The following OSBP2 variants were observed in gnomAD, a reference collection of about 807,000 sequenced individuals.
OSBP2 encodes the protein oxysterol-binding protein 2.
OSBP2 carries 66 observed loss-of-function variants against 96.0 expected under a neutral mutation model. The observed-to-expected ratio is 0.69, with a 90% CI of 0.56 to 0.84. The LOEUF (loss-of-function observed/expected upper bound fraction) is 0.84, where lower values mean the gene tolerates loss of function less well. Among genes scored for constraint, OSBP2 ranks in the 40% least tolerant of loss-of-function variants. The pLI, the probability that OSBP2 is intolerant of heterozygous loss-of-function variation, is 0.00. For missense variants in OSBP2, 1,038 were observed against 1,222.7 expected, an observed-to-expected ratio of 0.85 and a Z score of 2.25; for synonymous variants, 525 against 520.9, an observed-to-expected ratio of 1.01 and a Z score of -0.11.
At position 30,870,869 on chromosome 22, in the gene OSBP2, G is replaced by T. The variant is rs1002500245; in HGVS notation, c.1107+187G>T. 6.6e-6 allele frequency among the ~76,000 whole-genome samples: 1 copy of T among 152,204 alleles called. No individual in the cohort carries two copies. The highest frequency in any genetic ancestry group is 2.4e-5 in the African/African-American group (1 of 41,448). On this transcript the variant is annotated intron_variant, in intron 3 of 13. Coordinates refer to ENST00000332585, the MANE Select transcript of OSBP2 (RefSeq NM_030758.4). This position sits in a 1 kb window ranked among gnomAD's most constrained non-coding sequence, Gnocchi z 4.1. The stretch of plus-strand genomic sequence containing the variant: ...AAATCATCTCCTTCACTCGGCCGTC[G>T]TTGGGCAAGGACATTCTTCCTAATT...
chr22:30,817,119 A>G (rs530062698), intron 2 of OSBP2, among the ~76,000 whole-genome samples: 1 of 152,202 alleles, frequency 6.6e-6, no homozygotes, highest in African/African-American at 2.4e-5. Flanking sequence ...CCAGCAACAC[A>G]TTATCACAAA....
intron 5 of OSBP2, 96 bp downstream of exon 5, chr22:30,888,436 C>A: frequency 6.1e-6 from 5 of 815,018 alleles, no homozygotes; most frequent in Non-Finnish European, 8.4e-6. Flanking sequence ...TTGGGGTTTT[C>A]TTTCCTTTAA....
rs2089763299 is a variant in OSBP2 at position 30,730,808 on chromosome 22, AATTT to A, written c.645-10352_645-10349del. Among the ~76,000 whole-genome samples the A allele has an allele frequency of 1.2e-3, 48 of 39,334 alleles. 5 individuals are homozygous for A. Among genetic ancestry groups the A allele is most frequent in the Non-Finnish European group, 1.6e-3 (37 of 22,914 alleles). The allele number at this position is 39,334 out of a possible 152,430, so 25.8% of individuals were successfully genotyped here. ...TATATATATATATATATATATATAT[AATTT>A]TTTTTTTTTTTCCCATGGACATTTT... On this transcript the variant is annotated intron_variant, in intron 1 of 13. Coordinates refer to ENST00000332585, the MANE Select transcript of OSBP2 (RefSeq NM_030758.4).
At position 30,871,991 on chromosome 22, in the gene OSBP2, C is replaced by T. The variant is rs773588760; in HGVS notation, c.1107+1309C>T. Among the ~76,000 whole-genome samples, 23 of 152,268 alleles carry T rather than the reference C, an allele frequency of 1.5e-4. No individual in the cohort carries two copies. Among genetic ancestry groups the T allele is most frequent in the Non-Finnish European group, 2.6e-4 (18 of 68,042 alleles). Reference sequence around the variant, plus strand: ...GCTGGGCGAGGTGTGCCCCCCTTCCCGACTGCTGGGAAACTCAGCCTGCAG... The same window carrying T: ...GCTGGGCGAGGTGTGCCCCCCTTCCTGACTGCTGGGAAACTCAGCCTGCAG... On this transcript the variant is annotated intron_variant, in intron 3 of 13. Transcript: ENST00000332585. This position sits in a 1 kb window ranked among gnomAD's most constrained non-coding sequence, Gnocchi z 4.7.
intron 2 of OSBP2, among the ~76,000 whole-genome samples, chr22:30,809,735 T>C (rs1301395321): frequency 2.0e-5 from 3 of 152,176 alleles, no homozygotes; most frequent in Non-Finnish European, 4.4e-5. Flanking sequence ...CCCCATAATG[T>C]CATGGAAGAT....
chr22:30,813,267 G>A (rs1287492435), intron 2 of OSBP2, among the ~76,000 whole-genome samples: 1 of 144,794 alleles, frequency 6.9e-6, no homozygotes, highest in Non-Finnish European at 1.5e-5. Context: ...GCAACCTCTC[G>A]GATTCAAGTG....
At chr22:30,769,859 A>G (rs136331) in intron 2 of OSBP2, among the ~76,000 whole-genome samples, 8,785 of 151,984 alleles carry the variant, frequency 0.058, 269 homozygotes, top group Middle Eastern at 0.088. Flanking sequence ...ATAGACAGTG[A>G]TATGGTTTGG....
chr22:30,717,090 TTGTGTGTGTGTGTGTGTGTG>T (rs35377469), intron 1 of OSBP2, among the ~76,000 whole-genome samples: 1 of 118,320 alleles, frequency 8.5e-6, no homozygotes, highest in East Asian at 2.3e-4. Context: ...TTTACTGTTT[TTGTGTGTGTGTGTGTGTGTG>T]TGTGTGTGTG....
intron 1 of OSBP2, among the ~76,000 whole-genome samples, chr22:30,731,248 A>C (rs1305159697): frequency 6.6e-6 from 1 of 152,048 alleles, no homozygotes; most frequent in Non-Finnish European, 1.5e-5. Context: ...GTGAAGGAGC[A>C]ATGGCAAGTG....
At chr22:30,847,931 T>C (rs2038903446) in intron 2 of OSBP2, among the ~76,000 whole-genome samples, 1 of 152,162 alleles carries the variant, frequency 6.6e-6, no homozygotes, top group South Asian at 2.1e-4. Flanking sequence ...TGGATTTTTG[T>C]TTTATTATTT....
At chr22:30,768,387 A>G (rs1182334733) in intron 2 of OSBP2, among the ~76,000 whole-genome samples, 1 of 152,114 alleles carries the variant, frequency 6.6e-6, no homozygotes, top group Non-Finnish European at 1.5e-5. Context: ...AGTTTAAAAC[A>G]TTCCTGTGGC....
chr22:30,704,416 T>C (rs1447823543), intron 1 of OSBP2, among the ~76,000 whole-genome samples: 2 of 152,054 alleles, frequency 1.3e-5, no homozygotes, highest in Non-Finnish European at 2.9e-5. Flanking sequence ...CCAGGGAAGA[T>C]CCTTAGAGAC....
intron 2 of OSBP2, among the ~76,000 whole-genome samples, chr22:30,751,743 G>A (rs985536426): frequency 6.6e-6 from 1 of 152,186 alleles, no homozygotes; most frequent in Non-Finnish European, 1.5e-5. Context: ...AGGAGATGGG[G>A]CAGAATCACC....
chr22:30,693,957 TCA>T, upstream of OSBP2: 1 of 996,842 alleles, frequency 1.0e-6, no homozygotes, highest in Non-Finnish European at 1.5e-6. Context: ...CGAGTGAGAC[TCA>T]GTCTCAAAAA....
In OSBP2 at chr22:30,870,712, G is replaced by C. The variant is rs200271960; in HGVS notation, c.1107+30G>C. On this transcript the variant is annotated intron_variant, in intron 3 of 13. Transcript: ENST00000332585. This position sits in a 1 kb window ranked among gnomAD's most constrained non-coding sequence, Gnocchi z 4.1. ...GTACCCACCCCCACCGCCCTGGCAC[G>C]GGGCTCCCTGGCTCCAGCCCCGGGG... 1.2e-6 allele frequency: 2 copies of C among 1,601,514 alleles called. No homozygotes were observed. Among genetic ancestry groups the C allele is most frequent in the Non-Finnish European group, 1.7e-6 (2 of 1,171,564 alleles).
intron 8 of OSBP2, among the ~76,000 whole-genome samples, chr22:30,892,708 C>A (rs1270117742): frequency 2.6e-5 from 4 of 152,134 alleles, no homozygotes; most frequent in African/African-American, 9.7e-5. Context: ...AATCACTCTG[C>A]CAGTCTGGGC....
intron 2 of OSBP2, among the ~76,000 whole-genome samples, chr22:30,799,404 G>A (rs136274): frequency 0.19 from 29,022 of 152,238 alleles, 2,849 homozygotes; most frequent in Middle Eastern, 0.24. Context: ...GATTACAGGC[G>A]TGAGCCGCCA....
chr22:30,699,441 G>T (rs2089121144), intron 1 of OSBP2, among the ~76,000 whole-genome samples: 1 of 152,100 alleles, frequency 6.6e-6, no homozygotes. Flanking sequence ...TAATTTCTGG[G>T]TTGTAGAGAA....
intron 2 of OSBP2, among the ~76,000 whole-genome samples, chr22:30,753,534 G>C (rs2090103623): frequency 6.6e-6 from 1 of 152,202 alleles, no homozygotes; most frequent in Non-Finnish European, 1.5e-5. Context: ...GCCTGGGCAA[G>C]ATCTGGGACT....
Sources: allele counts gnomAD v4.1 joint callset (sites outside exome capture counted in the v4.1 genomes callset), GRCh38; gene constraint gnomAD v4.1.1; non-coding constraint Gnocchi (gnomAD v3.1); transcripts MANE v1.5; gene names NCBI Gene and HGNC (gene_info 2026-07-23, HGNC 2026-07-21).